The following PAICS variants were observed in gnomAD, a reference collection of about 807,000 sequenced individuals.
The protein encoded by PAICS is bifunctional phosphoribosylaminoimidazole carboxylase/phosphoribosylaminoimidazole succinocarboxamide synthetase.
Under a neutral mutation model 53.7 loss-of-function variants are expected in PAICS, and 33 were observed. That is an observed-to-expected ratio of 0.61 (90% CI 0.47 to 0.82). The LOEUF (loss-of-function observed/expected upper bound fraction) is 0.82. PAICS is among the 40% of genes least tolerant of loss of function. PAICS has a pLI of 0.00. For missense variants in PAICS, 394 were observed against 494.1 expected (o/e 0.80, Z 1.92); for synonymous variants, 141 against 167.2 (o/e 0.84, Z 1.21).
the PAICS span, among the ~76,000 whole-genome samples, chr4:56,419,032 C>G: frequency 5.9e-5 from 9 of 152,218 alleles, no homozygotes; most frequent in African/African-American, 2.2e-4. Context: ...CTCTTCCAAG[C>G]CCTCAGCTCA....
At chr4:56,423,040 T>G in the PAICS span, 8 of 152,194 alleles carry the variant, frequency 5.3e-5, no homozygotes, top group Non-Finnish European at 1.0e-4. Context: ...AGGTGAGATT[T>G]TGTGCTTGCT....
chr4:56,446,280 A>G, intron 2 of PAICS: 1 of 700,686 alleles, frequency 1.4e-6, no homozygotes, highest in South Asian at 1.5e-5. Flanking sequence ...GTGTAGCATT[A>G]AACAATAACT....
chr4:56,436,151 A>AC, upstream of PAICS: 1 of 1,490,954 alleles, frequency 6.7e-7, no homozygotes, highest in South Asian at 1.3e-5. Context: ...CTCCGCCCAT[A>AC]CCCCTCCGGG....
At chr4:56,432,981 C>T (rs1474178), upstream of PAICS, among the ~76,000 whole-genome samples, 99,173 of 149,014 alleles carry the variant, frequency 0.67, 33,003 homozygotes, top group South Asian at 0.76. Flanking sequence ...TACATATATA[C>T]ATACACACAC....
chr4:56,446,448 A>G lies in PAICS; in HGVS notation c.215-247A>G. ...TGTTTTTAAGCTTCATCCATATTAT[A>G]TAGCATGGATGTATCAGGAATTTCG... is the stretch of plus-strand genomic sequence containing the variant. On this transcript the variant is annotated intron_variant, in intron 2 of 8. Coordinates refer to ENST00000512576, the MANE Select transcript of PAICS (RefSeq NM_001079524.2). The G allele has an allele frequency of 4.2e-6, 3 of 712,188 alleles. No homozygotes were observed. In the South Asian group the frequency reaches 4.5e-5, roughly 11 times the overall value. 44.1% of individuals were successfully genotyped at this position (712,188 alleles called of 1,614,324 possible).
chr4:56,436,328 G>A lies in PAICS; in HGVS notation c.16G>A (p.Val6Ile). 2 of 1,599,132 alleles carry A rather than the reference G, an allele frequency of 1.3e-6. No individual in the cohort carries two copies. Among genetic ancestry groups the A allele is most frequent in the Non-Finnish European group, 1.7e-6 (2 of 1,171,702 alleles). ...ACTTAGGATAATGGCGACAGCTGAG[G>A]GTGAGTAACAGGGATCCGGGCCCTT... MATAE[V>I]LNIGKKLYEG... The change falls in exon 1 of 9, where the codon GTA becomes ATA. Residue 6 changes from valine (V) to isoleucine (I), a missense_variant and splice_region_variant. By Grantham distance (29) the Val-to-Ile change is conservative. Around this residue, in one of 3 missense-constraint regions of PAICS, gnomAD observed 168 missense variants for 199.3 expected, o/e 0.84. Transcript: ENST00000512576.
At chr4:56,436,681 A>T in intron 1 of PAICS, 1 of 516,982 alleles carries the variant, frequency 1.9e-6, no homozygotes, top group South Asian at 1.6e-5. Flanking sequence ...TAAGAAGGTT[A>T]ATAATTGAAA....
At chr4:56,449,002 A>G (rs780271080) in intron 5 of PAICS, among the ~76,000 whole-genome samples, 179 bp downstream of exon 5, 1 of 152,224 alleles carries the variant, frequency 6.6e-6, no homozygotes, top group Admixed American at 6.5e-5. Context: ...AATAGGAATA[A>G]TACTTTACAT....
rs1719463857 is a variant in PAICS, at chr4:56,460,661, T to G, written c.*1123T>G. 1 of 152,126 alleles carries G rather than the reference T, an allele frequency of 6.6e-6. No individual in the cohort carries two copies. The highest frequency in any genetic ancestry group is 2.4e-5 in the African/African-American group (1 of 41,406). 9.4% of individuals were successfully genotyped at this position (152,126 alleles called of 1,614,324 possible). A position where few individuals can be genotyped will look rare whatever the true frequency, so the allele number is the denominator to read the frequency against. ...CTTGGGTTCTCCCGAAGCCTATCCA[T>G]GGTTTATAGATTAAGAATTGATGAG... On this transcript the variant is annotated 3_prime_UTR_variant, in exon 9 of 9. Coordinates refer to ENST00000512576, the MANE Select transcript of PAICS (RefSeq NM_001079524.2).
upstream of PAICS, chr4:56,435,599 G>A: frequency 2.6e-6 from 4 of 1,543,874 alleles, no homozygotes; most frequent in South Asian, 3.6e-5. Context: ...TCCTTCCCGA[G>A]GGTGGCCCCA....
At chr4:56,422,348 A>G in the PAICS span, 8 of 152,104 alleles carry the variant, frequency 5.3e-5, no homozygotes, top group Admixed American at 5.2e-4. Flanking sequence ...ATATCCCCTT[A>G]TGTTCATACA....
intron 5 of PAICS, among the ~76,000 whole-genome samples, chr4:56,450,110 G>A (rs1718830879): frequency 6.6e-6 from 1 of 152,146 alleles, no homozygotes; most frequent in African/African-American, 2.4e-5. Flanking sequence ...TCATAAGTGG[G>A]AGTTGAACAC....
intron 2 of PAICS, among the ~76,000 whole-genome samples, chr4:56,445,838 A>T (rs1718588433): frequency 6.6e-6 from 1 of 152,188 alleles, no homozygotes; most frequent in African/African-American, 2.4e-5. Flanking sequence ...TTTCCAGGAG[A>T]TATTTTAAAT....
At chr4:56,416,343 T>C in the PAICS span, 2 of 601,492 alleles carry the variant, frequency 3.3e-6, no homozygotes, top group Non-Finnish European at 4.2e-6. Flanking sequence ...AATTCTGTTA[T>C]ATTTACAGGT....
At chr4:56,436,598 C>G (rs1223881591) in intron 1 of PAICS, 2 of 689,038 alleles carry the variant, frequency 2.9e-6, no homozygotes, top group Admixed American at 2.0e-5. Flanking sequence ...ATAGCTATTG[C>G]AAAATACAAG....
chr4:56,419,612 AG>A, the PAICS span: 1 of 935,222 alleles, frequency 1.1e-6, no homozygotes, highest in East Asian at 1.2e-4. Flanking sequence ...TACCTAATGC[AG>A]GTATCTCTAC....
chr4:56,444,709 T>G (rs534614976), intron 2 of PAICS, among the ~76,000 whole-genome samples: 1 of 152,322 alleles, frequency 6.6e-6, no homozygotes, highest in East Asian at 1.9e-4. Context: ...TCATCTAAAC[T>G]GAGTCTGTTT....
chr4:56,439,964 T>C lies in PAICS; in HGVS notation c.17-1699T>C, dbSNP rs77318586. Among the ~76,000 whole-genome samples the C allele has an allele frequency of 3.8e-3, 585 of 152,352 alleles. 5 individuals are homozygous for C. The highest frequency in any genetic ancestry group is 0.013 in the African/African-American group (537 of 41,590). On this transcript the variant is annotated intron_variant, in intron 1 of 8. Coordinates refer to ENST00000512576, the MANE Select transcript of PAICS (RefSeq NM_001079524.2). ...CAAGTTACTGCAACAGCATCCTAAC[T>C]GGTCTTCCAAGCTCTAGTTTTTGTT... is the stretch of plus-strand genomic sequence containing the variant.
At chr4:56,435,227 A>T, upstream of PAICS, 3 of 1,405,212 alleles carry the variant, frequency 2.1e-6, no homozygotes, top group Non-Finnish European at 1.9e-6. Context: ...ACAGGCAGGT[A>T]CTGGCTTAGG....
Sources: allele counts gnomAD v4.1 joint callset (sites outside exome capture counted in the v4.1 genomes callset), GRCh38; gene constraint gnomAD v4.1.1; regional missense constraint gnomAD v4.1.1; transcripts MANE v1.5; gene names NCBI Gene and HGNC (gene_info 2026-07-23, HGNC 2026-07-21).